AKT3: variants seen among roughly 807,000 people sequenced by gnomAD.
The protein encoded by AKT3 is AKT serine/threonine kinase 3.
AKT3 carries 15 observed loss-of-function variants against 65.3 expected under a neutral mutation model. The ratio of observed to expected loss-of-function variants is 0.23; its 90% CI spans 0.15 to 0.35. The LOEUF is 0.35. AKT3 is among the 10% of genes least tolerant of loss of function. The probability of loss-of-function intolerance (pLI) is 1.00; values close to 1 mark genes in which losing one functional copy is unlikely to be tolerated. For synonymous variants in AKT3, 206 were observed against 183.8 expected (o/e 1.12, Z -0.98); for missense variants, 243 against 576.5 (o/e 0.42, Z 5.92).
chr1:243,600,328 G>C (rs956324887), intron 8 of AKT3, among the ~76,000 whole-genome samples: 10 of 152,082 alleles, frequency 6.6e-5, no homozygotes, highest in Non-Finnish European at 1.3e-4. Context: ...ATGTGGAAAT[G>C]CAAAGGAAAT....
intron 4 of AKT3, among the ~76,000 whole-genome samples, chr1:243,653,692 A>C (rs1284339625): frequency 1.3e-5 from 2 of 152,146 alleles, no homozygotes; most frequent in Admixed American, 6.5e-5. Flanking sequence ...AGAATTTTTA[A>C]ATCTCCAAAT....
At chr1:243,843,543 C>A (rs1695375775) in intron 1 of AKT3, 2 of 1,056,832 alleles carry the variant, frequency 1.9e-6, no homozygotes, top group Admixed American at 5.4e-5. Context: ...GTCACGCCTA[C>A]CCAAATAATA....
At chr1:243,811,964 A>G (rs79885028) in intron 2 of AKT3, among the ~76,000 whole-genome samples, 77,098 of 151,840 alleles carry the variant, frequency 0.51, 23,657 homozygotes, top group Non-Finnish European at 0.68. Flanking sequence ...AAACTGGCTA[A>G]CCATATGTAG....
upstream of AKT3, among the ~76,000 whole-genome samples, chr1:243,850,895 C>T (rs1406571020): frequency 6.6e-6 from 1 of 152,080 alleles, no homozygotes; most frequent in East Asian, 1.9e-4. Context: ...GGCGGGCACC[C>T]GAGGCCCGGG....
At chr1:243,508,655 CTTTTTTTTTTTTTTTT>C (rs369887012) in intron 13 of AKT3, among the ~76,000 whole-genome samples, 3 of 108,316 alleles carry the variant, frequency 2.8e-5, no homozygotes, top group African/African-American at 9.8e-5. Flanking sequence ...AAAAGCCAGA[CTTTTTTTTTTTTTTTT>C]TTTTTTTTTT....
At chr1:243,554,165 T>C (rs1215062168) in intron 10 of AKT3, among the ~76,000 whole-genome samples, 2 of 152,158 alleles carry the variant, frequency 1.3e-5, no homozygotes, top group Non-Finnish European at 1.5e-5. Context: ...CTAAAAATAC[T>C]ATGAAAGGCA....
intron 8 of AKT3, among the ~76,000 whole-genome samples, chr1:243,594,316 T>C (rs749418787): frequency 2.0e-5 from 3 of 152,348 alleles, no homozygotes; most frequent in South Asian, 2.1e-4. Context: ...TATTCTTAAA[T>C]AGATTTATGG....
At chr1:243,516,994 T>G (rs888054335) in intron 12 of AKT3, among the ~76,000 whole-genome samples, 6 of 152,230 alleles carry the variant, frequency 3.9e-5, no homozygotes, top group Non-Finnish European at 8.8e-5. Context: ...TACTATAAAT[T>G]TAAGTATTGC....
At chr1:243,562,680 T>TA (rs1673880560) in intron 10 of AKT3, among the ~76,000 whole-genome samples, 1 of 152,040 alleles carries the variant, frequency 6.6e-6, no homozygotes, top group Non-Finnish European at 1.5e-5. Context: ...AAGGGCTACA[T>TA]GTAAGTGTTC....
At chr1:243,631,174 T>C (rs1679580119) in intron 6 of AKT3, among the ~76,000 whole-genome samples, 3 of 152,192 alleles carry the variant, frequency 2.0e-5, no homozygotes, top group African/African-American at 4.8e-5. Context: ...TTAAAAATAC[T>C]TGACTGCCAA....
chr1:243,686,037 A>C (rs560010360), intron 3 of AKT3, among the ~76,000 whole-genome samples: 1 of 152,312 alleles, frequency 6.6e-6, no homozygotes, highest in East Asian at 1.9e-4. Flanking sequence ...ACCTAGGAAT[A>C]CAACTTACAA....
chr1:243,563,719 C>A lies in AKT3; in HGVS notation c.948+1G>T. 1.3e-6 allele frequency: 2 copies of A among 1,598,856 alleles called. No homozygotes were observed. Among genetic ancestry groups the A allele is most frequent in the South Asian group, 1.1e-5 (1 of 87,562 alleles). On this transcript the variant is annotated splice_donor_variant, in intron 10 of 13. Transcript: ENST00000673466. LOFTEE classifies it high-confidence loss of function. ...TTCCTATTAATGGAACCGAAGCCTA[C>A]CTCTGGTGCCAGATATTCTGGAGTG...
intron 1 of AKT3, among the ~76,000 whole-genome samples, chr1:243,849,380 A>T (rs1695653841): frequency 1.7e-5 from 2 of 117,468 alleles, no homozygotes; most frequent in South Asian, 6.4e-4. Context: ...CACCTCCCAC[A>T]CACACACCCC....
chr1:243,513,370 T>A (rs780071936), intron 12 of AKT3, among the ~76,000 whole-genome samples: 26 of 152,156 alleles, frequency 1.7e-4, no homozygotes, highest in Non-Finnish European at 3.1e-4. Flanking sequence ...GATGCTGCTT[T>A]AGAATACAGT....
At position 243,843,180 on chromosome 1, in the gene AKT3, CCT is replaced by C; in HGVS notation, c.-12_-11del. On this transcript the variant is annotated 5_prime_UTR_variant, in exon 2 of 14. Transcript: ENST00000673466. ...TGGTAACATCGCTCATGATGACTCC[CCT>C]CTGAGCCCCCAACTTGGAGAAATGG... is the stretch of plus-strand genomic sequence containing the variant. 6.2e-7 allele frequency: 1 copy of C among 1,612,120 alleles called. No individual in the cohort carries two copies. Among genetic ancestry groups the C allele is most frequent in the Non-Finnish European group, 8.5e-7 (1 of 1,179,018 alleles).
At chr1:243,761,991 G>A (rs574986473) in intron 2 of AKT3, among the ~76,000 whole-genome samples, 10 of 152,026 alleles carry the variant, frequency 6.6e-5, no homozygotes, top group South Asian at 2.1e-4. Flanking sequence ...ATTTCTAAAC[G>A]TCAAAATAAC....
intron 8 of AKT3, among the ~76,000 whole-genome samples, chr1:243,601,392 C>G (rs1676991100): frequency 6.6e-6 from 1 of 151,988 alleles, no homozygotes; most frequent in Non-Finnish European, 1.5e-5. Flanking sequence ...CTAAAAAATA[C>G]CACTATACAT....
chr1:243,804,451 T>C (rs1692591476), intron 2 of AKT3, among the ~76,000 whole-genome samples: 1 of 152,224 alleles, frequency 6.6e-6, no homozygotes, highest in South Asian at 2.1e-4. Flanking sequence ...TATATACACA[T>C]TGTAGAATAG....
chr1:243,838,660 T>C (rs1446334239), intron 2 of AKT3, among the ~76,000 whole-genome samples: 2 of 152,208 alleles, frequency 1.3e-5, no homozygotes, highest in African/African-American at 4.8e-5. Context: ...GTTGCTAAAG[T>C]ATATTTTGCT....
Sources: gnomAD v4.1 joint callset for allele counts (sites outside exome capture counted in the v4.1 genomes callset) on GRCh38, gnomAD v4.1.1 for gene constraint, MANE v1.5 for transcripts, NCBI Gene and HGNC (gene_info 2026-07-23, HGNC 2026-07-21) for gene names.